The following SPRED1 variants were observed in gnomAD, a reference collection of about 807,000 sequenced individuals.
The protein encoded by SPRED1 is sprouty-related, EVH1 domain-containing protein 1.
SPRED1 carries 18 observed loss-of-function variants against 52.3 expected under a neutral mutation model. The ratio of observed to expected loss-of-function variants is 0.34; its 90% CI spans 0.24 to 0.51. SPRED1 has a LOEUF of 0.51. Among genes scored for constraint, SPRED1 ranks in the 20% least tolerant of loss-of-function variants. SPRED1 has a pLI of 0.97. For missense variants in SPRED1, 485 were observed against 551.0 expected (o/e 0.88, Z 1.20); for synonymous variants, 155 against 179.7 (o/e 0.86, Z 1.10).
rs756739740 is a variant in SPRED1 at position 38,351,415 on chromosome 15, C to T, written c.1086C>T (p.Cys362=). 3 of 1,614,118 alleles carry T rather than the reference C, an allele frequency of 1.9e-6. No homozygotes were observed. Among genetic ancestry groups the T allele is most frequent in the Non-Finnish European group, 2.5e-6 (3 of 1,180,014 alleles). Reference sequence around the variant, plus strand: ...ATGCTCCAGACCCTATTAAAAGATGCATATATCAAGTTAGTTGCATGCTCT... The same window carrying T: ...ATGCTCCAGACCCTATTAAAAGATGTATATATCAAGTTAGTTGCATGCTCT... ...CQDAPDPIKR[C]IYQVSCMLCA... Residue 362 remains cysteine, a synonymous_variant, in exon 7 of 7, where the codon TGC becomes TGT. Coordinates refer to ENST00000299084, the MANE Select transcript of SPRED1 (RefSeq NM_152594.3).
chr15:38,261,996 C>CT (rs1491434443), intron 1 of SPRED1, among the ~76,000 whole-genome samples: 25 of 61,726 alleles, frequency 4.1e-4, no homozygotes, highest in African/African-American at 1.3e-3. Context: ...AGTCACCAAA[C>CT]TCTTTTTTTT....
intron 4 of SPRED1, among the ~76,000 whole-genome samples, chr15:38,328,362 T>A (rs1297221480): frequency 6.6e-6 from 1 of 152,208 alleles, no homozygotes; most frequent in Non-Finnish European, 1.5e-5. Context: ...TACCTATTTC[T>A]GCACCAATAA....
chr15:38,311,252 C>T (rs1427998802), intron 2 of SPRED1, among the ~76,000 whole-genome samples: 13 of 151,998 alleles, frequency 8.6e-5, no homozygotes, highest in Non-Finnish European at 1.5e-4. Context: ...TTGAACCAGC[C>T]CTGTTTCTGC....
chr15:38,340,933 T>A (rs986645202), intron 5 of SPRED1, among the ~76,000 whole-genome samples: 1 of 151,966 alleles, frequency 6.6e-6, no homozygotes, highest in Admixed American at 6.6e-5. Context: ...GAGTTTAAGA[T>A]TGGTAGTTAT....
chr15:38,290,551 T>A (rs1037823798), intron 1 of SPRED1, among the ~76,000 whole-genome samples: 2 of 152,208 alleles, frequency 1.3e-5, no homozygotes, highest in Non-Finnish European at 2.9e-5. Context: ...TTCATGCTGC[T>A]GATAAAGACA....
chr15:38,351,696 T>C lies in SPRED1; in HGVS notation c.*32T>C. 1.2e-6 allele frequency: 2 copies of C among 1,605,526 alleles called. No individual in the cohort carries two copies. The highest frequency in any genetic ancestry group is 1.3e-5 in the African/African-American group (1 of 75,046). ...CCAGTGCCAAAATGAGCTTAAAATC[T>C]TTGTTTCCAGGAATTAGCTAACTTG... On this transcript the variant is annotated 3_prime_UTR_variant, in exon 7 of 7. Transcript: ENST00000299084.
chr15:38,328,260 T>C (rs1895745363), intron 4 of SPRED1, among the ~76,000 whole-genome samples: 5 of 152,364 alleles, frequency 3.3e-5, no homozygotes, highest in Non-Finnish European at 1.5e-5. Flanking sequence ...GATAATGTTA[T>C]ATTTAAATAA....
At chr15:38,331,219 G>T (rs1451271617) in intron 4 of SPRED1, among the ~76,000 whole-genome samples, 1 of 152,108 alleles carries the variant, frequency 6.6e-6, no homozygotes, top group Non-Finnish European at 1.5e-5. Flanking sequence ...ACATTAGCCT[G>T]TGCCAGCATA....
intron 3 of SPRED1, 47 bp from the exon 4 acceptor site, chr15:38,324,716 C>T: frequency 2.7e-6 from 4 of 1,477,598 alleles, no homozygotes; most frequent in Non-Finnish European, 1.9e-6. Flanking sequence ...ATACTGGACT[C>T]TAAGACAAAA....
intron 6 of SPRED1, among the ~76,000 whole-genome samples, chr15:38,350,123 A>C (rs1255530380): frequency 6.6e-6 from 1 of 152,222 alleles, no homozygotes; most frequent in African/African-American, 2.4e-5. Flanking sequence ...GGACTCCCAC[A>C]ACAAAATATT....
At chr15:38,255,002 A>C (rs2140944767) in intron 1 of SPRED1, among the ~76,000 whole-genome samples, 1 of 152,318 alleles carries the variant, frequency 6.6e-6, no homozygotes, top group Middle Eastern at 3.4e-3. Context: ...TTTTTTTCTT[A>C]AAGCAGTGAA....
chr15:38,351,359 C>A lies in SPRED1; in HGVS notation c.1030C>A (p.His344Asn). Reference protein sequence around the residue: ...RCVYCQERFNHEENVRGKCQD... With the variant: ...RCVYCQERFNNEENVRGKCQD... ...CGTATACTGCCAGGAAAGGTTTAAT[C>A]ATGAAGAAAATGTTAGGGGAAAATG... is the stretch of plus-strand genomic sequence containing the variant. The change falls in exon 7 of 7, where the codon CAT becomes AAT. Residue 344 changes from histidine to asparagine, a missense_variant. Coordinates refer to ENST00000299084, the MANE Select transcript of SPRED1 (RefSeq NM_152594.3). 1 of 1,614,078 alleles carries A rather than the reference C, an allele frequency of 6.2e-7. No individual in the cohort carries two copies. Among genetic ancestry groups the A allele is most frequent in the Non-Finnish European group, 8.5e-7 (1 of 1,180,020 alleles).
chr15:38,292,726 C>T (rs959233803), intron 1 of SPRED1, among the ~76,000 whole-genome samples: 1 of 152,128 alleles, frequency 6.6e-6, no homozygotes, highest in African/African-American at 2.4e-5. Flanking sequence ...CTGGGAGATA[C>T]AATTCAAGTT....
At chr15:38,294,808 G>A (rs1173073727) in intron 1 of SPRED1, among the ~76,000 whole-genome samples, 3 of 152,174 alleles carry the variant, frequency 2.0e-5, no homozygotes, top group African/African-American at 7.2e-5. Flanking sequence ...AAATTGGTGG[G>A]CCAGGGTAAT....
At position 38,253,224 on chromosome 15, in the gene SPRED1, G is replaced by A; in HGVS notation, c.32+7G>A. The A allele has an allele frequency of 6.4e-7, 1 of 1,573,102 alleles. No homozygotes were observed. Among genetic ancestry groups the A allele is most frequent in the South Asian group, 1.2e-5 (1 of 85,732 alleles). On this transcript the variant is annotated splice_region_variant and intron_variant, in intron 1 of 6. Coordinates refer to ENST00000299084, the MANE Select transcript of SPRED1 (RefSeq NM_152594.3). ...CGGCGACTTCTGACAACGAGTAAGC[G>A]CCTCATTGATCTCGATTGCTAATCC... is the stretch of plus-strand genomic sequence containing the variant.
intron 4 of SPRED1, among the ~76,000 whole-genome samples, chr15:38,335,612 A>T (rs1895897489): frequency 6.6e-6 from 1 of 152,092 alleles, no homozygotes; most frequent in African/African-American, 2.4e-5. Flanking sequence ...CTAAAAAATG[A>T]TTTCATTGTT....
chr15:38,325,956 G>A (rs185558181), intron 4 of SPRED1: 1 of 152,262 alleles, frequency 6.6e-6, no homozygotes, highest in Non-Finnish European at 1.5e-5. Context: ...AGATTCTGAA[G>A]ACCTGAAAAT....
chr15:38,349,480 G>A lies in SPRED1; in HGVS notation c.641G>A (p.Arg214Gln), dbSNP rs371274407. Residue 214 changes from arginine to glutamine, a missense_variant, in exon 6 of 7, where the codon CGG (arginine) becomes CAG (glutamine). By Grantham distance (43) the Arg-to-Gln change is conservative. Transcript: ENST00000299084. ...AGCAGAAGTATGGAATACGTACAGCGGCAAATATCCAAGGAATGTGGAAGC... is the reference window on the plus strand; with the variant it reads ...AGCAGAAGTATGGAATACGTACAGCAGCAAATATCCAAGGAATGTGGAAGC... The part of the protein sequence containing the change: ...IQSRSMEYVQ[R>Q]QISKECGSLK... 21 of 1,612,454 alleles carry A rather than the reference G, an allele frequency of 1.3e-5. No homozygotes were observed. The highest frequency in any genetic ancestry group is 1.7e-5 in the Admixed American group (1 of 59,894).
At chr15:38,258,567 T>C (rs953330672) in intron 1 of SPRED1, among the ~76,000 whole-genome samples, 1 of 152,196 alleles carries the variant, frequency 6.6e-6, no homozygotes, top group Non-Finnish European at 1.5e-5. Flanking sequence ...AATTTTATTC[T>C]TTCTGTTAAA....
Sources: gnomAD v4.1 joint callset for allele counts (sites outside exome capture counted in the v4.1 genomes callset) on GRCh38, gnomAD v4.1.1 for gene constraint, MANE v1.5 for transcripts, NCBI Gene and HGNC (gene_info 2026-07-23, HGNC 2026-07-21) for gene names.